Variants in SATB2 observed in about 807,000 individuals in gnomAD.
SATB2 encodes the protein DNA-binding protein SATB2.
A neutral mutation model predicts 73.4 loss-of-function variants in SATB2; 1 was observed. That is an observed-to-expected ratio of 0.01 (90% CI 0.00 to 0.06). The LOEUF (loss-of-function observed/expected upper bound fraction) is 0.06, where lower values mean the gene tolerates loss of function less well. SATB2 is among the 10% of genes least tolerant of loss of function. SATB2 has a pLI of 1.00. For missense variants in SATB2, 459 were observed against 945.8 expected (o/e 0.49, Z 6.75); for synonymous variants, 397 against 367.0 (o/e 1.08, Z -0.93).
chr2:199,336,854 T>C (rs1221441175), intron 7 of SATB2, among the ~76,000 whole-genome samples: 2 of 152,128 alleles, frequency 1.3e-5, no homozygotes, highest in Non-Finnish European at 2.9e-5. Context: ...GATTCGAAAT[T>C]GGGCTCTAAC....
intron 10 of SATB2, among the ~76,000 whole-genome samples, chr2:199,276,518 T>C (rs1692317173): frequency 6.6e-6 from 1 of 152,194 alleles, no homozygotes. Flanking sequence ...GTTTCATTCC[T>C]AGGCTCATTT....
chr2:199,333,450 T>C (rs1688246902), intron 7 of SATB2, among the ~76,000 whole-genome samples: 1 of 152,038 alleles, frequency 6.6e-6, no homozygotes, highest in Non-Finnish European at 1.5e-5. Flanking sequence ...ATTTTAAATA[T>C]AGATAGTACA....
intron 5 of SATB2, 150 bp from the exon 6 acceptor site, chr2:199,368,857 C>T (rs10201634): frequency 1.9e-5 from 11 of 572,554 alleles, no homozygotes; most frequent in Non-Finnish European, 3.1e-5. Context: ...ACATCAAACA[C>T]GATTACCTGA....
rs549620471 is a variant in SATB2 at position 199,335,273 on chromosome 2, G to T, written c.1174-6363C>A. Among the ~76,000 whole-genome samples the T allele has an allele frequency of 9.2e-5, 14 of 152,262 alleles. 1 individual carries two copies. Among genetic ancestry groups the T allele is most frequent in the African/African-American group, 3.4e-4 (14 of 41,556 alleles). ...GCATTTTTGTCGGATGGGGTGGATA[G>T]AATTGAGCATCTAAAGGGAATTAAT... On this transcript the variant is annotated intron_variant, in intron 7 of 10. Coordinates refer to ENST00000417098, the MANE Select transcript of SATB2 (RefSeq NM_001172509.2).
rs1468873947 is a variant in SATB2, at chr2:199,361,783, G to A, written c.700+6822C>T. Among the ~76,000 whole-genome samples, 3 of 122,604 alleles carry A rather than the reference G, an allele frequency of 2.4e-5. No homozygotes were observed. The Admixed American group carries it at 2.6e-4, about 11-fold the overall frequency. 80.4% of individuals were successfully genotyped at this position (122,604 alleles called of 152,430 possible). A position where few individuals can be genotyped will look rare whatever the true frequency, so the allele number is the denominator to read the frequency against. On this transcript the variant is annotated intron_variant, in intron 6 of 10. Coordinates refer to ENST00000417098, the MANE Select transcript of SATB2 (RefSeq NM_001172509.2). ...TTTTTTTTTTTTTTTATGTGAGACA[G>A]AGTCACTCTGTCACTCAAGACTGGA... is the stretch of plus-strand genomic sequence containing the variant.
chr2:199,450,964 A>T (rs1268946030), intron 2 of SATB2, among the ~76,000 whole-genome samples: 1 of 152,112 alleles, frequency 6.6e-6, no homozygotes, highest in Admixed American at 6.5e-5. Flanking sequence ...GAAAGAAAAG[A>T]AGAATTCAAA....
chr2:199,345,124 GTGC>G (rs1272748440), intron 7 of SATB2, among the ~76,000 whole-genome samples: 3 of 151,830 alleles, frequency 2.0e-5, no homozygotes, highest in Non-Finnish European at 4.4e-5. Context: ...CCTGGGGCTG[GTGC>G]TGCTGCTGCT....
At chr2:199,440,979 G>A (rs1691798648) in intron 2 of SATB2, among the ~76,000 whole-genome samples, 2 of 151,918 alleles carry the variant, frequency 1.3e-5, no homozygotes, top group Admixed American at 1.3e-4. Context: ...CTCCCAAGTA[G>A]CTGGGATTAT....
chr2:199,443,528 T>C (rs1411371259), intron 2 of SATB2, among the ~76,000 whole-genome samples: 1 of 95,950 alleles, frequency 1.0e-5, no homozygotes, highest in African/African-American at 4.2e-5. Context: ...AACTGAAAAG[T>C]AAAGTTATAG....
chr2:199,369,720 G>A (rs1321367048), intron 5 of SATB2, among the ~76,000 whole-genome samples: 1 of 152,082 alleles, frequency 6.6e-6, no homozygotes, highest in Non-Finnish European at 1.5e-5. Flanking sequence ...AACTTCTAAC[G>A]ACATTTCTAC....
chr2:199,354,156 G>A (rs770607624), intron 6 of SATB2, among the ~76,000 whole-genome samples: 2 of 152,120 alleles, frequency 1.3e-5, no homozygotes, highest in African/African-American at 4.8e-5. Flanking sequence ...TCAGGAGTTC[G>A]AGACCAGCCT....
At chr2:199,458,477 C>A (rs952855773), upstream of SATB2, 10 of 390,986 alleles carry the variant, frequency 2.6e-5, no homozygotes, top group Non-Finnish European at 4.5e-5. Context: ...GTGGCCGCGG[C>A]CAGCGGGTGG....
chr2:199,345,992 C>A (rs1171254278), intron 7 of SATB2, among the ~76,000 whole-genome samples: 3 of 152,088 alleles, frequency 2.0e-5, no homozygotes, highest in Non-Finnish European at 4.4e-5. Flanking sequence ...TTGATAATAA[C>A]TCTTTACAAG....
At chr2:199,447,422 C>A (rs917484197) in intron 2 of SATB2, among the ~76,000 whole-genome samples, 2 of 152,134 alleles carry the variant, frequency 1.3e-5, no homozygotes, top group Non-Finnish European at 2.9e-5. Flanking sequence ...TGAGGGTGCT[C>A]ATTATTCAGC....
chr2:199,308,538 TTG>T lies in SATB2; in HGVS notation c.1740+220_1740+221del, dbSNP rs1284392704. ...CATTCAACTTCTCAGTCATTTTTCTTTGTGTGTGCATACACACACACACACGC... is the reference window on the plus strand; with the variant it reads ...CATTCAACTTCTCAGTCATTTTTCTTTGTGTGCATACACACACACACACGC... On this transcript the variant is annotated intron_variant, in intron 10 of 10. Coordinates refer to ENST00000417098, the MANE Select transcript of SATB2 (RefSeq NM_001172509.2). This position sits in a 1 kb window ranked among gnomAD's most constrained non-coding sequence, Gnocchi z 4.6. Among the ~76,000 whole-genome samples, 1 of 151,976 alleles carries T rather than the reference TTG, an allele frequency of 6.6e-6. No homozygotes were observed. The highest frequency in any genetic ancestry group is 3.2e-3 in the Middle Eastern group (1 of 316).
intron 3 of SATB2, among the ~76,000 whole-genome samples, chr2:199,420,381 G>A (rs1574612195): frequency 6.6e-6 from 1 of 152,094 alleles, no homozygotes; most frequent in Admixed American, 6.6e-5. Flanking sequence ...TAAGAATCTA[G>A]TGAGACTATG....
intron 10 of SATB2, among the ~76,000 whole-genome samples, chr2:199,279,155 T>C (rs1455703832): frequency 1.3e-5 from 2 of 152,218 alleles, no homozygotes; most frequent in Non-Finnish European, 2.9e-5. Flanking sequence ...GAATGAGAAG[T>C]TGTAAATATA....
intron 3 of SATB2, among the ~76,000 whole-genome samples, chr2:199,412,902 T>C (rs1016887780): frequency 2.6e-5 from 4 of 152,206 alleles, no homozygotes; most frequent in African/African-American, 9.6e-5. Context: ...TGTAATAAGT[T>C]GTCACATCAT....
intron 10 of SATB2, among the ~76,000 whole-genome samples, chr2:199,297,498 C>T (rs1350904791): frequency 6.6e-6 from 1 of 152,194 alleles, no homozygotes; most frequent in African/African-American, 2.4e-5. Context: ...GCAAGTTCTG[C>T]ATCTTCACTC....
Sources: allele counts gnomAD v4.1 joint callset (sites outside exome capture counted in the v4.1 genomes callset), GRCh38; gene constraint gnomAD v4.1.1; non-coding constraint Gnocchi (gnomAD v3.1); transcripts MANE v1.5; gene names NCBI Gene and HGNC (gene_info 2026-07-23, HGNC 2026-07-21).